The following ARL17B variants were observed in gnomAD, a reference collection of about 807,000 sequenced individuals.
The protein encoded by ARL17B is ARF like GTPase 17B.
At chr17:46,291,103 A>G (rs1251473115) in intron 4 of ARL17B, among the ~76,000 whole-genome samples, 3 of 152,266 alleles carry the variant, frequency 2.0e-5, no homozygotes, top group Non-Finnish European at 4.4e-5. Context: ...AAATTATTCA[A>G]CAGCCCTTCT....
chr17:46,275,236 T>G, exon 5 of ARL17B: 1 of 394,068 alleles, frequency 2.5e-6, no homozygotes, highest in Non-Finnish European at 4.3e-6. Context: ...GCCAATAATA[T>G]AATTGGACTG....
At chr17:46,288,292 C>T (rs1232054117) in intron 4 of ARL17B, among the ~76,000 whole-genome samples, 3 of 151,224 alleles carry the variant, frequency 2.0e-5, no homozygotes, top group Non-Finnish European at 4.4e-5. Context: ...CAGATGTGCA[C>T]CACCAGGCCC....
intron 3 of ARL17B, among the ~76,000 whole-genome samples, chr17:46,317,174 C>A (rs1159440834): frequency 1.1e-5 from 1 of 87,704 alleles, no homozygotes. Context: ...CTCCTCACAT[C>A]CCAGACGGGC....
intron 3 of ARL17B, among the ~76,000 whole-genome samples, chr17:46,323,922 G>T (rs1238501729): frequency 3.0e-5 from 3 of 99,026 alleles, no homozygotes; most frequent in African/African-American, 9.8e-5. Context: ...ACTGTATTAG[G>T]TACTTAGAGT....
intron 4 of ARL17B, among the ~76,000 whole-genome samples, chr17:46,291,985 A>AAAAAAAAAAGC (rs1360524355): frequency 1.3e-5 from 1 of 76,592 alleles, no homozygotes; most frequent in Non-Finnish European, 2.8e-5. Flanking sequence ...AAAAAAAAAA[A>AAAAAAAAAAGC]AAGCCAATAA....
intron 2 of ARL17B, among the ~76,000 whole-genome samples, chr17:46,354,754 A>C (rs1304225984): frequency 1.4e-5 from 2 of 146,034 alleles, no homozygotes; most frequent in East Asian, 4.0e-4. Flanking sequence ...GGAGTTTGAG[A>C]CCAGCCTGGG....
intron 4 of ARL17B, among the ~76,000 whole-genome samples, chr17:46,290,393 T>G (rs1311674217): frequency 6.6e-6 from 1 of 152,164 alleles, no homozygotes; most frequent in Non-Finnish European, 1.5e-5. Context: ...TTTAGAATGC[T>G]GGGATTACAG....
At position 46,350,577 on chromosome 17, in the gene ARL17B, G is replaced by T. The variant is rs1334663506; in HGVS notation, c.259+2243C>A. Among the ~76,000 whole-genome samples the T allele has an allele frequency of 1.4e-4, 12 of 88,600 alleles. 1 individual carries two copies. Among genetic ancestry groups the T allele is most frequent in the South Asian group, 4.1e-4 (1 of 2,424 alleles). The allele number at this position is 88,600 out of a possible 152,430, so 58.1% of individuals were successfully genotyped here. A position where few individuals can be genotyped will look rare whatever the true frequency, so the allele number is the denominator to read the frequency against. On this transcript the variant is annotated intron_variant, in intron 3 of 3. Coordinates refer to ENST00000450673, the MANE Select transcript of ARL17B (RefSeq NM_001039083.5). ...TAAGCAGTTAAAAAAAAAAAAAAAG[G>T]GGGGGGGAGGCCAGGCGAGGTGGCT...
chr17:46,283,502 G>A (rs540935701), intron 4 of ARL17B, among the ~76,000 whole-genome samples: 60 of 152,308 alleles, frequency 3.9e-4, no homozygotes, highest in African/African-American at 1.4e-3. Context: ...TTTTAAATGC[G>A]ATACATGAAA....
chr17:46,284,582 G>A (rs2049855742), intron 4 of ARL17B, among the ~76,000 whole-genome samples: 1 of 152,204 alleles, frequency 6.6e-6, no homozygotes, highest in Admixed American at 6.5e-5. Flanking sequence ...TTTCCCCACA[G>A]TGTGGGGGGT....
intron 4 of ARL17B, among the ~76,000 whole-genome samples, chr17:46,285,755 C>T (rs895945942): frequency 7.9e-5 from 12 of 152,180 alleles, no homozygotes; most frequent in Admixed American, 4.6e-4. Context: ...AAGCCCTTCA[C>T]TAGACTAGCT....
chr17:46,274,460 TTG>T (rs141848181), downstream of ARL17B, among the ~76,000 whole-genome samples: 1 of 152,182 alleles, frequency 6.6e-6, no homozygotes, highest in Non-Finnish European at 1.5e-5. Flanking sequence ...TGATTCGCAG[TTG>T]TGTGTGTGTG....
At position 46,323,460 on chromosome 17, in the gene ARL17B, G is replaced by A. The variant is rs1366687437; in HGVS notation, c.260-23795C>T. On this transcript the variant is annotated intron_variant, in intron 3 of 4. Coordinates refer to the ARL17B transcript ENST00000434041. ...CGCCCAGGCTGCAGTGCAGCGGCATGACCTAGGCTCACTGCAACCTCCACC... is the reference window on the plus strand; with the variant it reads ...CGCCCAGGCTGCAGTGCAGCGGCATAACCTAGGCTCACTGCAACCTCCACC... Among the ~76,000 whole-genome samples, 3 of 98,628 alleles carry A rather than the reference G, an allele frequency of 3.0e-5. 1 individual carries two copies. In the Admixed American group the frequency reaches 3.1e-4, roughly 10 times the overall value. The allele number at this position is 98,628 out of a possible 152,430, so 64.7% of individuals were successfully genotyped here.
chr17:46,274,622 T>C (rs1231812870), downstream of ARL17B, among the ~76,000 whole-genome samples: 3 of 152,184 alleles, frequency 2.0e-5, no homozygotes, highest in Middle Eastern at 3.2e-3. Flanking sequence ...AGTTGACAAA[T>C]GAGGGCAGCA....
chr17:46,277,771 C>CA (rs201920819), intron 4 of ARL17B, among the ~76,000 whole-genome samples: 16,329 of 148,384 alleles, frequency 0.11, no homozygotes, highest in Non-Finnish European at 0.17. Flanking sequence ...CTCAGCCTCC[C>CA]GAGTAGCTGG....
exon 5 of ARL17B, chr17:46,275,088 C>G (rs926437054): frequency 5.1e-6 from 1 of 195,164 alleles, no homozygotes; most frequent in African/African-American, 2.4e-5. Context: ...GACGGGGTTT[C>G]TCCATATTGG....
intron 3 of ARL17B, among the ~76,000 whole-genome samples, chr17:46,327,052 C>T (rs1243076406): frequency 1.2e-5 from 1 of 85,670 alleles, no homozygotes; most frequent in East Asian, 2.3e-4. Context: ...TAAAACATGC[C>T]TCTACTTTCT....
chr17:46,334,884 TACAATATA>T (rs1404920923), downstream of ARL17B: 2 of 135,558 alleles, frequency 1.5e-5, no homozygotes, highest in African/African-American at 5.2e-5. Flanking sequence ...AAACAGAAAG[TACAATATA>T]ACAACTGTCA....
At chr17:46,285,530 C>T (rs1260935719) in intron 4 of ARL17B, among the ~76,000 whole-genome samples, 3 of 152,168 alleles carry the variant, frequency 2.0e-5, no homozygotes, top group African/African-American at 7.2e-5. Context: ...TGTGAGCCCC[C>T]GTACCCAGCC....
Sources: allele counts gnomAD v4.1 joint callset (sites outside exome capture counted in the v4.1 genomes callset), GRCh38; gene constraint gnomAD v4.1.1; transcripts MANE v1.5; gene names NCBI Gene and HGNC (gene_info 2026-07-23, HGNC 2026-07-21).